The following PRKCH variants were observed in gnomAD, a reference collection of about 807,000 sequenced individuals.
PRKCH encodes protein kinase C eta type.
Under a neutral mutation model 82.5 loss-of-function variants are expected in PRKCH, and 28 were observed. The observed-to-expected ratio is 0.34, with a 90% confidence interval of 0.25 to 0.47. The LOEUF (loss-of-function observed/expected upper bound fraction) is 0.47, where lower values mean the gene tolerates loss of function less well. Ranked by LOEUF, PRKCH falls within the 20% of genes least tolerant of loss-of-function variation. The pLI is 1.00. For missense variants in PRKCH, 705 were observed against 881.8 expected (o/e 0.80, Z 2.54); for synonymous variants, 322 against 327.4 (o/e 0.98, Z 0.18).
In PRKCH at chr14:61,458,377, C is replaced by T. The variant is rs138056852; in HGVS notation, c.1278+698C>T. Among the ~76,000 whole-genome samples, 28 of 152,298 alleles carry T rather than the reference C, an allele frequency of 1.8e-4. No individual in the cohort carries two copies. In the East Asian group the frequency reaches 2.5e-3, roughly 14 times the overall value. On this transcript the variant is annotated intron_variant, in intron 9 of 13. Coordinates refer to ENST00000332981, the MANE Select transcript of PRKCH (RefSeq NM_006255.5). ...GAGAAGTCTGGTGGTAACAGTGCTACGGTTGGATTTGTTGCTCAGTGACAT... is the reference window on the plus strand; with the variant it reads ...GAGAAGTCTGGTGGTAACAGTGCTATGGTTGGATTTGTTGCTCAGTGACAT...
chr14:61,344,057 A>G (rs1009822462), intron 1 of PRKCH, among the ~76,000 whole-genome samples: 1 of 152,184 alleles, frequency 6.6e-6, no homozygotes, highest in African/African-American at 2.4e-5. Flanking sequence ...TCAGAACACC[A>G]TGGAGCTTGT....
chr14:61,451,536 G>A (rs934939198), intron 6 of PRKCH, among the ~76,000 whole-genome samples: 3 of 152,146 alleles, frequency 2.0e-5, no homozygotes, highest in African/African-American at 7.2e-5. Context: ...AATGAAGGAA[G>A]ATAAAGCCTT....
chr14:61,390,166 G>A (rs1032012951), intron 1 of PRKCH, among the ~76,000 whole-genome samples: 1 of 152,172 alleles, frequency 6.6e-6, no homozygotes, highest in Non-Finnish European at 1.5e-5. Flanking sequence ...AGGAAGAGGG[G>A]AGTCCGCCCA....
intron 10 of PRKCH, among the ~76,000 whole-genome samples, chr14:61,499,319 G>A (rs756058547): frequency 1.3e-5 from 2 of 152,190 alleles, no homozygotes; most frequent in Non-Finnish European, 2.9e-5. Context: ...CAAGTGCTCT[G>A]TTGCTTTTTG....
intron 2 of PRKCH, among the ~76,000 whole-genome samples, chr14:61,400,940 C>T (rs995759776): frequency 1.3e-5 from 2 of 152,160 alleles, no homozygotes; most frequent in African/African-American, 4.8e-5. Flanking sequence ...CTTTCTACAC[C>T]ATCCAGCTAT....
intron 1 of PRKCH, among the ~76,000 whole-genome samples, chr14:61,345,495 G>T (rs777717639): frequency 2.0e-5 from 3 of 152,226 alleles, no homozygotes; most frequent in Non-Finnish European, 2.9e-5. Flanking sequence ...TGTGAACTGT[G>T]CATTAACTTG....
intron 1 of PRKCH, among the ~76,000 whole-genome samples, chr14:61,383,973 ACT>A (rs1423488178): frequency 1.3e-5 from 2 of 151,924 alleles, no homozygotes; most frequent in Non-Finnish European, 2.9e-5. Flanking sequence ...TATTCTGAAG[ACT>A]CTCGGAGACC....
chr14:61,517,266 C>G (rs547513634), intron 10 of PRKCH, among the ~76,000 whole-genome samples: 69 of 151,840 alleles, frequency 4.5e-4, no homozygotes, highest in African/African-American at 1.6e-3. Context: ...TATGCAAGGC[C>G]GTGCACTGGG....
At chr14:61,334,654 C>G (rs562437480) in intron 1 of PRKCH, among the ~76,000 whole-genome samples, 1 of 152,112 alleles carries the variant, frequency 6.6e-6, no homozygotes, top group Non-Finnish European at 1.5e-5. Context: ...TCAGAAAGCT[C>G]GGGGCATTGT....
intron 1 of PRKCH, among the ~76,000 whole-genome samples, chr14:61,198,477 C>G (rs560591328): frequency 4.4e-4 from 67 of 152,236 alleles, no homozygotes; most frequent in Non-Finnish European, 8.5e-4. Flanking sequence ...CCCTATGTCC[C>G]CTAAGTGGAA....
chr14:61,346,853 G>A (rs1001072192), intron 1 of PRKCH, among the ~76,000 whole-genome samples: 2 of 152,240 alleles, frequency 1.3e-5, no homozygotes, highest in African/African-American at 4.8e-5. Flanking sequence ...CAACCAAACA[G>A]CCATTATAGT....
At chr14:61,233,402 A>G (rs532483297) in intron 1 of PRKCH, among the ~76,000 whole-genome samples, 2,251 of 152,098 alleles carry the variant, frequency 0.015, 121 homozygotes, top group Admixed American at 0.1. Context: ...AAAAAAAAGA[A>G]AAAAAGAAAA....
rs1301783841 is a variant in PRKCH, at chr14:61,505,725, T to C, written c.1433+20069T>C. Among the ~76,000 whole-genome samples the C allele has an allele frequency of 5.3e-5, 8 of 152,248 alleles. No individual in the cohort carries two copies. In the South Asian group the frequency reaches 1.7e-3, roughly 32 times the overall value. On this transcript the variant is annotated intron_variant, in intron 10 of 13. Coordinates refer to ENST00000332981, the MANE Select transcript of PRKCH (RefSeq NM_006255.5). ...CCCATTCACAAGGGCTTTACCTTCA[T>C]GACCTAGCCACCTCCCAAAGGACCC...
intron 9 of PRKCH, among the ~76,000 whole-genome samples, chr14:61,476,809 G>T (rs963090125): frequency 6.6e-6 from 1 of 152,198 alleles, no homozygotes; most frequent in South Asian, 2.1e-4. Flanking sequence ...CACAGGGGTT[G>T]CTGGGTGATT....
rs187233316 is a variant in PRKCH at position 61,460,179 on chromosome 14, A to T, written c.1278+2500A>T. On this transcript the variant is annotated intron_variant, in intron 9 of 13. Transcript: ENST00000332981. ...TTTTTTAAGACATAATATTAATAGT[A>T]TATATTGGAAATTGTTTTGTATTTC... Among the ~76,000 whole-genome samples the T allele has an allele frequency of 1.2e-4, 19 of 152,338 alleles. 1 individual carries two copies. The East Asian group carries it at 3.5e-3, about 28-fold the overall frequency.
At chr14:61,493,878 T>C (rs1233428644) in intron 10 of PRKCH, among the ~76,000 whole-genome samples, 1 of 151,548 alleles carries the variant, frequency 6.6e-6, no homozygotes, top group East Asian at 1.9e-4. Flanking sequence ...GCATAAGAGA[T>C]AATAGCAAGT....
In PRKCH at chr14:61,269,973, C is replaced by T. The variant is rs545123770; in HGVS notation, c.-19+82305C>T. Among the ~76,000 whole-genome samples, 10 of 152,258 alleles carry T rather than the reference C, an allele frequency of 6.6e-5. No individual in the cohort carries two copies. The East Asian group carries it at 1.4e-3, about 21-fold the overall frequency. On this transcript the variant is annotated intron_variant, in intron 1 of 3. Transcript: ENST00000555185. ...CTGTAGAACGACCTTCCCCAGTCCCCGGGTGTACAGCGCAGGAAAAATGCA... is the reference window on the plus strand; with the variant it reads ...CTGTAGAACGACCTTCCCCAGTCCCTGGGTGTACAGCGCAGGAAAAATGCA...
At chr14:61,320,213 G>A (rs2045597584), upstream of PRKCH, among the ~76,000 whole-genome samples, 1 of 152,034 alleles carries the variant, frequency 6.6e-6, no homozygotes, top group Non-Finnish European at 1.5e-5. Flanking sequence ...AGAAAGAAAG[G>A]AGGGAAGGAA....
intron 1 of PRKCH, among the ~76,000 whole-genome samples, chr14:61,390,239 T>TG (rs1247988810): frequency 6.6e-6 from 1 of 152,194 alleles, no homozygotes; most frequent in African/African-American, 2.4e-5. Context: ...CCATGCTGTA[T>TG]GGGGTCTTTC....
Sources: allele counts gnomAD v4.1 joint callset (sites outside exome capture counted in the v4.1 genomes callset), GRCh38; gene constraint gnomAD v4.1.1; transcripts MANE v1.5; gene names NCBI Gene and HGNC (gene_info 2026-07-23, HGNC 2026-07-21).